Variants in HS6ST2 observed in about 807,000 individuals in gnomAD.
The protein encoded by HS6ST2 is heparan sulfate 6-O-sulfotransferase 2, also known as heparan-sulfate 6-O-sulfotransferase 2.
Under a neutral mutation model 33.0 loss-of-function variants are expected in HS6ST2, and 17 were observed. The ratio of observed to expected loss-of-function variants is 0.52; its 90% CI spans 0.35 to 0.77. The LOEUF (loss-of-function observed/expected upper bound fraction) is 0.77. HS6ST2 is among the 30% of genes least tolerant of loss of function. HS6ST2 has a pLI of 0.01. For synonymous variants in HS6ST2, 248 were observed against 237.1 expected (o/e 1.05, Z -0.42); for missense variants, 519 against 551.7 (o/e 0.94, Z 0.59).
chrX:132,819,842 C>T (rs1214142348), intron 2 of HS6ST2, among the ~76,000 whole-genome samples: 5 of 112,424 alleles, frequency 4.4e-5, no homozygotes, highest in Admixed American at 9.4e-5. Context: ...GAGTCCTTAA[C>T]GCCAAGACTG....
chrX:132,857,357 G>A (rs905661341), intron 2 of HS6ST2, among the ~76,000 whole-genome samples: 186 of 109,837 alleles, frequency 1.7e-3, no homozygotes, highest in African/African-American at 5.7e-3. Context: ...GGTGGCGGGC[G>A]CCTGTAATCC....
At chrX:132,814,505 T>A (rs2148369528) in intron 2 of HS6ST2, among the ~76,000 whole-genome samples, 1 of 111,744 alleles carries the variant, frequency 8.9e-6, no homozygotes, top group African/African-American at 3.3e-5. Context: ...TGTTATATAG[T>A]TTTTTTGTTT....
At chrX:132,755,390 C>G (rs1375002201) in intron 2 of HS6ST2, among the ~76,000 whole-genome samples, 1 of 112,022 alleles carries the variant, frequency 8.9e-6, no homozygotes, top group African/African-American at 3.2e-5. Context: ...TTTTCTGCCT[C>G]AGTCCTGGAA....
chrX:132,689,282 G>A (rs1273334116), intron 3 of HS6ST2, among the ~76,000 whole-genome samples: 3 of 112,211 alleles, frequency 2.7e-5, no homozygotes, highest in Non-Finnish European at 5.6e-5. Flanking sequence ...GCCAGAAATC[G>A]GTACAAACAA....
intron 2 of HS6ST2, among the ~76,000 whole-genome samples, chrX:132,801,285 G>A (rs1021146656): frequency 1.8e-5 from 2 of 109,483 alleles, no homozygotes; most frequent in African/African-American, 6.6e-5. Flanking sequence ...GACAAAGCAA[G>A]ACTCTGTCTC....
At chrX:132,878,916 T>C (rs1010924479) in intron 2 of HS6ST2, among the ~76,000 whole-genome samples, 2 of 111,051 alleles carry the variant, frequency 1.8e-5, no homozygotes, top group Non-Finnish European at 3.8e-5. Context: ...TAAGTAATGA[T>C]GCCTGGGAAA....
chrX:132,871,017 CA>C (rs200975911), intron 2 of HS6ST2, among the ~76,000 whole-genome samples: 4,643 of 110,581 alleles, frequency 0.042, 237 homozygotes, highest in African/African-American at 0.14. Context: ...AAAATTTTTG[CA>C]ATCTACCCAT....
At chrX:132,654,852 G>A (rs1426801211) in intron 4 of HS6ST2, among the ~76,000 whole-genome samples, 1 of 111,922 alleles carries the variant, frequency 8.9e-6, no homozygotes, top group Non-Finnish European at 1.9e-5. Context: ...TCCTCAAGGA[G>A]CCACAGCCAG....
At chrX:132,960,001 C>G (rs1341442923), upstream of HS6ST2, among the ~76,000 whole-genome samples, 1 of 112,192 alleles carries the variant, frequency 8.9e-6, no homozygotes, top group Non-Finnish European at 1.9e-5. Context: ...CGTGAGGGAC[C>G]CTTTGTCCAG....
At chrX:132,711,948 T>C (rs2064234219) in intron 2 of HS6ST2, among the ~76,000 whole-genome samples, 1 of 112,034 alleles carries the variant, frequency 8.9e-6, no homozygotes, top group Non-Finnish European at 1.9e-5. Flanking sequence ...ATATTGGTGA[T>C]GGCTGTTCAA....
At chrX:132,831,336 G>A (rs2065588212) in intron 2 of HS6ST2, among the ~76,000 whole-genome samples, 1 of 111,092 alleles carries the variant, frequency 9.0e-6, no homozygotes, top group African/African-American at 3.3e-5. Context: ...AACTAACCCT[G>A]GCATCGGTCT....
chrX:132,914,635 T>C (rs1325586940), intron 2 of HS6ST2, among the ~76,000 whole-genome samples: 2 of 112,301 alleles, frequency 1.8e-5, no homozygotes, highest in Non-Finnish European at 3.8e-5. Context: ...CTCAGGGGCA[T>C]GGCAGGACCA....
chrX:132,924,626 G>A (rs1051506318), intron 2 of HS6ST2, among the ~76,000 whole-genome samples: 2 of 111,470 alleles, frequency 1.8e-5, no homozygotes, highest in Non-Finnish European at 3.8e-5. Flanking sequence ...AACCAACCAT[G>A]TGATTAGAGG....
chrX:132,935,163 G>A (rs1202245559), intron 2 of HS6ST2, among the ~76,000 whole-genome samples: 1 of 80,259 alleles, frequency 1.2e-5, no homozygotes, highest in East Asian at 4.0e-4. Flanking sequence ...ATAATAATTG[G>A]AGACTTCATT....
intron 2 of HS6ST2, among the ~76,000 whole-genome samples, chrX:132,937,317 C>T (rs1187529290): frequency 8.9e-6 from 1 of 111,915 alleles, no homozygotes; most frequent in African/African-American, 3.2e-5. Flanking sequence ...ATACCAATAA[C>T]ATTCTTCATA....
Position 132,629,172 on chromosome X carries a change from G to T in HS6ST2, c.1068-79C>A, listed in dbSNP as rs758393549. ...GTCATGGAGGTACATGGCATATGTG[G>T]TGTTCACTGGCTAAAAAGGAAGGCA... On this transcript the variant is annotated intron_variant, in intron 4 of 4. Transcript: ENST00000370833. 4.8e-6 allele frequency: 5 copies of T among 1,040,617 alleles called. No homozygotes were observed. The East Asian group carries it at 1.7e-4, about 35-fold the overall frequency. The allele number at this position is 1,040,617 out of a possible 1,213,427, so 85.8% of individuals were successfully genotyped here.
chrX:132,867,903 C>T (rs778640870), intron 2 of HS6ST2, among the ~76,000 whole-genome samples: 1 of 111,593 alleles, frequency 9.0e-6, no homozygotes, highest in South Asian at 3.8e-4. Flanking sequence ...CAGCTAGCAT[C>T]ATAATGAAAG....
chrX:132,905,667 T>C (rs1349139013), intron 2 of HS6ST2, among the ~76,000 whole-genome samples: 1 of 112,154 alleles, frequency 8.9e-6, no homozygotes, highest in East Asian at 2.8e-4. Context: ...TGTTTAAGAA[T>C]ACCTTGTCAG....
In HS6ST2 at chrX:132,913,811, A is replaced by G. The variant is rs146283913; in HGVS notation, c.947+42997T>C. 3.2e-3 allele frequency among the ~76,000 whole-genome samples: 365 copies of G among 112,484 alleles called. 2 individuals carry two copies. Among genetic ancestry groups the G allele is most frequent in the African/African-American group, 0.011 (346 of 31,028 alleles). ...CTCCCCACTTAGTCAACCACAATTT[A>G]TAAGCCCCAGTCCTATGAGGATTGA... On this transcript the variant is annotated intron_variant, in intron 2 of 4. Transcript: ENST00000370833.
Sources: allele counts gnomAD v4.1 joint callset (sites outside exome capture counted in the v4.1 genomes callset), GRCh38; gene constraint gnomAD v4.1.1; transcripts MANE v1.5; gene names NCBI Gene and HGNC (gene_info 2026-07-23, HGNC 2026-07-21).